Variants in NBAS observed in about 807,000 individuals in gnomAD.
NBAS encodes NAG/BC035112 fusion.
A neutral mutation model predicts 302.5 loss-of-function variants in NBAS; 219 were observed. That is an observed-to-expected ratio of 0.72 (90% confidence interval 0.65 to 0.81). The LOEUF is 0.81. Ranked by LOEUF, NBAS falls within the 30% of genes least tolerant of loss-of-function variation. The probability of loss-of-function intolerance (pLI) is 0.00; values close to 1 mark genes in which losing one functional copy is unlikely to be tolerated. For synonymous variants in NBAS, 1,118 were observed against 1,021.6 expected (o/e 1.09, Z -1.80); for missense variants, 2,932 against 2,841.6 (o/e 1.03, Z -0.72).
At chr2:15,147,732 C>T in the NBAS span, among the ~76,000 whole-genome samples, 39 of 152,172 alleles carry the variant, frequency 2.6e-4, no homozygotes, top group African/African-American at 8.4e-4. Context: ...CTCTAAGGAC[C>T]GCCTTTACTC....
the NBAS span, among the ~76,000 whole-genome samples, chr2:15,062,676 A>G: frequency 6.6e-6 from 1 of 152,220 alleles, no homozygotes; most frequent in South Asian, 2.1e-4. Flanking sequence ...AGACATTGTC[A>G]TCTCAAAATT....
intron 44 of NBAS, among the ~76,000 whole-genome samples, chr2:15,258,964 C>T (rs1022176695): frequency 3.3e-5 from 5 of 152,108 alleles, no homozygotes; most frequent in South Asian, 2.1e-4. Context: ...TCACCCCTAG[C>T]GGCCCAGCTG....
intron 32 of NBAS, among the ~76,000 whole-genome samples, chr2:15,358,884 T>C (rs761083804): frequency 8.5e-5 from 13 of 152,206 alleles, no homozygotes; most frequent in Non-Finnish European, 1.8e-4. Flanking sequence ...GAAAATAATT[T>C]GGGGCTCAAG....
At chr2:14,965,232 A>C in the NBAS span, among the ~76,000 whole-genome samples, 1 of 152,162 alleles carries the variant, frequency 6.6e-6, no homozygotes, top group Non-Finnish European at 1.5e-5. Flanking sequence ...AAGTAAAGCC[A>C]ATCAACGCAA....
chr2:14,796,185 C>T, the NBAS span, among the ~76,000 whole-genome samples: 6 of 152,154 alleles, frequency 3.9e-5, no homozygotes, highest in Non-Finnish European at 7.4e-5. Flanking sequence ...GTTTTGGAGC[C>T]TCTTTTCTGT....
downstream of NBAS, among the ~76,000 whole-genome samples, chr2:15,164,994 C>A (rs942682651): frequency 2.0e-5 from 3 of 152,174 alleles, no homozygotes; most frequent in Admixed American, 6.5e-5. Context: ...CCTCTGCTGT[C>A]CTTTGTGCAG....
the NBAS span, among the ~76,000 whole-genome samples, chr2:14,845,947 T>G: frequency 6.6e-6 from 1 of 152,052 alleles, no homozygotes; most frequent in Non-Finnish European, 1.5e-5. Context: ...ATCTAAGAGT[T>G]ATTGGCCTTA....
the NBAS span, among the ~76,000 whole-genome samples, chr2:14,962,228 G>A: frequency 3.9e-5 from 6 of 152,194 alleles, no homozygotes; most frequent in Non-Finnish European, 7.3e-5. Context: ...AGCATATGTA[G>A]GCACATGTCT....
At chr2:15,128,161 A>G in the NBAS span, among the ~76,000 whole-genome samples, 1 of 152,192 alleles carries the variant, frequency 6.6e-6, no homozygotes, top group Non-Finnish European at 1.5e-5. Flanking sequence ...CAAAATAAAA[A>G]AAAAGCACAA....
At chr2:15,176,978 G>A (rs1039242627) in intron 51 of NBAS, among the ~76,000 whole-genome samples, 1 of 152,162 alleles carries the variant, frequency 6.6e-6, no homozygotes, top group Non-Finnish European at 1.5e-5. Context: ...CTTTTTGTGG[G>A]ACACATTTTT....
intron 51 of NBAS, among the ~76,000 whole-genome samples, chr2:15,178,591 A>G (rs1664663550): frequency 6.6e-6 from 1 of 152,192 alleles, no homozygotes; most frequent in Admixed American, 6.5e-5. Context: ...ATTAGTGGAT[A>G]ACCTAACACA....
the NBAS span, among the ~76,000 whole-genome samples, chr2:15,030,823 G>C: frequency 6.6e-6 from 1 of 152,096 alleles, no homozygotes; most frequent in Non-Finnish European, 1.5e-5. Flanking sequence ...CTGCCCACTA[G>C]ATATCAATAT....
the NBAS span, among the ~76,000 whole-genome samples, chr2:14,803,928 A>T: frequency 2.0e-5 from 3 of 152,268 alleles, no homozygotes; most frequent in South Asian, 6.2e-4. Context: ...GGGATTACAG[A>T]TGTGAGCCAC....
At chr2:15,360,021 A>G (rs970803825) in intron 32 of NBAS, among the ~76,000 whole-genome samples, 22 of 152,186 alleles carry the variant, frequency 1.4e-4, no homozygotes, top group Non-Finnish European at 2.6e-4. Flanking sequence ...TGTACTGAAT[A>G]CTATGGGCAA....
the NBAS span, among the ~76,000 whole-genome samples, chr2:14,900,215 A>G: frequency 4.5e-4 from 68 of 151,288 alleles, no homozygotes; most frequent in Non-Finnish European, 9.1e-4. Flanking sequence ...TCCCTGGCCT[A>G]ATATTAAACA....
chr2:15,527,292 T>C (rs1662956449), intron 9 of NBAS, among the ~76,000 whole-genome samples: 1 of 152,242 alleles, frequency 6.6e-6, no homozygotes, highest in South Asian at 2.1e-4. Context: ...ATACAGTACA[T>C]ATTCCTTGCC....
chr2:14,807,152 C>G, the NBAS span, among the ~76,000 whole-genome samples: 75,802 of 151,894 alleles, frequency 0.5, 20,629 homozygotes, highest in African/African-American at 0.74. Context: ...GGGGGGGGTT[C>G]ACATGCCTAC....
chr2:15,273,964 C>T (rs1007606937), intron 44 of NBAS, among the ~76,000 whole-genome samples: 1 of 151,722 alleles, frequency 6.6e-6, no homozygotes, highest in Non-Finnish European at 1.5e-5. Context: ...CTCCTGTAGT[C>T]CCAGCTACTC....
the NBAS span, among the ~76,000 whole-genome samples, chr2:15,148,567 G>A: frequency 1.3e-5 from 2 of 152,202 alleles, no homozygotes; most frequent in Admixed American, 6.5e-5. Context: ...AAGGTTGGCC[G>A]CCCTAACAAA....
Sources: allele counts gnomAD v4.1 joint callset (sites outside exome capture counted in the v4.1 genomes callset), GRCh38; gene constraint gnomAD v4.1.1; transcripts MANE v1.5; gene names NCBI Gene and HGNC (gene_info 2026-07-23, HGNC 2026-07-21).